Variants in CNOT10 observed in about 807,000 individuals in gnomAD.
CNOT10 encodes CCR4-NOT transcription complex subunit 10.
CNOT10 carries 30 observed loss-of-function variants against 94.6 expected under a neutral mutation model. The ratio of observed to expected loss-of-function variants is 0.32; its 90% confidence interval spans 0.24 to 0.43. The LOEUF (loss-of-function observed/expected upper bound fraction) is 0.43. Among genes scored for constraint, CNOT10 ranks in the 20% least tolerant of loss-of-function variants. The pLI, the probability that CNOT10 is intolerant of heterozygous loss-of-function variation, is 1.00. For synonymous variants in CNOT10, 289 were observed against 301.6 expected (o/e 0.96, Z 0.43); for missense variants, 759 against 877.2 (o/e 0.87, Z 1.70).
At chr3:32,702,781 T>C (rs999245511) in intron 1 of CNOT10, among the ~76,000 whole-genome samples, 1 of 152,198 alleles carries the variant, frequency 6.6e-6, no homozygotes, top group Non-Finnish European at 1.5e-5. Context: ...AATGTCCTCA[T>C]CTACAGGGCT....
intron 13 of CNOT10, among the ~76,000 whole-genome samples, chr3:32,755,715 C>A (rs976727947): frequency 1.4e-4 from 21 of 150,370 alleles, no homozygotes; most frequent in African/African-American, 5.1e-4. Flanking sequence ...CTTGTTGTAA[C>A]TTGGTGCTTG....
At chr3:32,754,518 CTTTTTTT>C (rs752732319) in intron 13 of CNOT10, among the ~76,000 whole-genome samples, 3 of 61,998 alleles carry the variant, frequency 4.8e-5, no homozygotes, top group Non-Finnish European at 7.8e-5. Flanking sequence ...ATTTATTTTA[CTTTTTTT>C]TTTTTTTTTT....
intron 11 of CNOT10, 33 bp downstream of exon 11, chr3:32,733,577 A>G (rs1261228920): frequency 3.0e-6 from 4 of 1,332,754 alleles, no homozygotes; most frequent in Non-Finnish European, 3.1e-6. Flanking sequence ...GTGTATATAT[A>G]TTTAATACTA....
In CNOT10 at chr3:32,708,418, C is replaced by G. The variant is rs1697723027; in HGVS notation, c.280-252C>G. On this transcript the variant is annotated intron_variant, in intron 3 of 18. Transcript: ENST00000328834. ...TCACAGTGACAAGGAAGATAATTGT[C>G]TAGCCATGTGCTGGGTACTTAATAA... 1.3e-5 allele frequency among the ~76,000 whole-genome samples: 2 copies of G among 152,270 alleles called. 1 individual carries two copies. Among genetic ancestry groups the G allele is most frequent in the Middle Eastern group, 6.8e-3 (2 of 294 alleles).
chr3:32,759,184 T>C (rs1202964111), intron 13 of CNOT10, among the ~76,000 whole-genome samples: 1 of 152,020 alleles, frequency 6.6e-6, no homozygotes, highest in African/African-American at 2.4e-5. Flanking sequence ...CATACATACA[T>C]ACATACAGGC....
chr3:32,695,744 G>A (rs1276647354), intron 1 of CNOT10: 23 of 1,535,748 alleles, frequency 1.5e-5, no homozygotes, highest in Admixed American at 3.9e-5. Flanking sequence ...ATGGGTGAAC[G>A]GTCGTATACT....
chr3:32,760,089 G>A (rs1412594277), intron 14 of CNOT10, among the ~76,000 whole-genome samples: 1 of 148,160 alleles, frequency 6.7e-6, no homozygotes, highest in African/African-American at 2.5e-5. Flanking sequence ...GGCTGAGGCA[G>A]GAGAATCGCT....
At chr3:32,694,725 G>T (rs1030310636) in intron 1 of CNOT10, among the ~76,000 whole-genome samples, 1 of 152,074 alleles carries the variant, frequency 6.6e-6, no homozygotes, top group Non-Finnish European at 1.5e-5. Flanking sequence ...GAGTAGCTGG[G>T]ATTATAGGTG....
At chr3:32,709,470 TC>T (rs1575221190) in intron 4 of CNOT10, among the ~76,000 whole-genome samples, 1 of 152,208 alleles carries the variant, frequency 6.6e-6, no homozygotes, top group African/African-American at 2.4e-5. Flanking sequence ...AAATGAGAAT[TC>T]CTAATTTATC....
chr3:32,773,036 T>G (rs1036058855), intron 18 of CNOT10, among the ~76,000 whole-genome samples: 1 of 152,132 alleles, frequency 6.6e-6, no homozygotes, highest in African/African-American at 2.4e-5. Flanking sequence ...CAGCTAATTT[T>G]TGTATTTTTT....
chr3:32,759,039 G>C (rs1215871958), intron 13 of CNOT10, among the ~76,000 whole-genome samples: 1 of 151,994 alleles, frequency 6.6e-6, no homozygotes, highest in East Asian at 1.9e-4. Flanking sequence ...AATATATGTA[G>C]AAAGAATAAG....
At chr3:32,726,331 A>G (rs1241091231) in intron 9 of CNOT10, among the ~76,000 whole-genome samples, 1 of 152,138 alleles carries the variant, frequency 6.6e-6, no homozygotes, top group South Asian at 2.1e-4. Flanking sequence ...TTATCCTTTA[A>G]TATTCATTAT....
intron 1 of CNOT10, among the ~76,000 whole-genome samples, chr3:32,688,140 A>T (rs554538707): frequency 2.6e-5 from 4 of 152,360 alleles, no homozygotes; most frequent in African/African-American, 9.6e-5. Flanking sequence ...ATGTTGTGAT[A>T]TTAATTTATT....
intron 8 of CNOT10, 90 bp from the exon 9 acceptor site, chr3:32,725,360 G>A: frequency 7.4e-6 from 7 of 950,694 alleles, no homozygotes; most frequent in South Asian, 1.3e-5. Context: ...TGGTAACAGT[G>A]TTAACTCGTG....
intron 13 of CNOT10, among the ~76,000 whole-genome samples, chr3:32,740,112 A>G (rs1184898349): frequency 6.6e-6 from 1 of 152,110 alleles, no homozygotes; most frequent in Non-Finnish European, 1.5e-5. Context: ...ATAAAAAATA[A>G]TACAGAGACC....
At position 32,713,357 on chromosome 3, in the gene CNOT10, T is replaced by C. The variant is rs1290167752; in HGVS notation, c.561T>C (p.Asn187=). The C allele has an allele frequency of 6.3e-7, 1 of 1,595,116 alleles. No individual in the cohort carries two copies. Among genetic ancestry groups the C allele is most frequent in the South Asian group, 1.2e-5 (1 of 86,712 alleles). ...TTTCACAGGGTAACAATAACAAAAATGGAAAGAATGAGGTGAGTCTTTAGA... is the reference window on the plus strand; with the variant it reads ...TTTCACAGGGTAACAATAACAAAAACGGAAAGAATGAGGTGAGTCTTTAGA... ...KMISQGNNNK[N]GKNETGNNNN... is the part of the protein sequence containing the mutation. The change falls in exon 5 of 19, where the codon AAT becomes AAC. Residue 187 remains asparagine, a synonymous_variant. Coordinates refer to ENST00000328834, the MANE Select transcript of CNOT10 (RefSeq NM_015442.3).
In CNOT10 at chr3:32,726,910, G is replaced by A. The variant is rs1410454224; in HGVS notation, c.1013-758G>A. 3.7e-5 allele frequency among the ~76,000 whole-genome samples: 5 copies of A among 136,196 alleles called. No individual in the cohort carries two copies. In the East Asian group the frequency reaches 1.1e-3, roughly 31 times the overall value. 89.3% of individuals were successfully genotyped at this position (136,196 alleles called of 152,430 possible). On this transcript the variant is annotated intron_variant, in intron 9 of 18. Coordinates refer to ENST00000328834, the MANE Select transcript of CNOT10 (RefSeq NM_015442.3). ...TGCCCAAGCTGGAGTGCAGTGGCGT[G>A]ATCTTGGCTCACTGCATCCTCCACG...
chr3:32,764,361 G>GAA, intron 15 of CNOT10, 94 bp from the exon 16 acceptor site: 1 of 1,222,308 alleles, frequency 8.2e-7, no homozygotes, highest in Non-Finnish European at 1.1e-6. Flanking sequence ...GAAAAGAAAA[G>GAA]AAAATATGCC....
intron 4 of CNOT10, among the ~76,000 whole-genome samples, chr3:32,711,068 A>G (rs1460185883): frequency 1.3e-5 from 2 of 152,196 alleles, no homozygotes; most frequent in Non-Finnish European, 2.9e-5. Flanking sequence ...ATGGTCCAAT[A>G]CTGTGGGCCA....
Sources: allele counts gnomAD v4.1 joint callset (sites outside exome capture counted in the v4.1 genomes callset), GRCh38; gene constraint gnomAD v4.1.1; transcripts MANE v1.5; gene names NCBI Gene and HGNC (gene_info 2026-07-23, HGNC 2026-07-21).